Variants in LRRC4C observed in about 807,000 individuals in gnomAD.
The protein encoded by LRRC4C is leucine-rich repeat-containing protein 4C.
Under a neutral mutation model 33.6 loss-of-function variants are expected in LRRC4C, and 5 were observed. That is an observed-to-expected ratio of 0.15 (90% CI 0.08 to 0.31). The LOEUF is 0.31. LRRC4C is among the 10% of genes least tolerant of loss of function. LRRC4C has a pLI of 1.00. For synonymous variants in LRRC4C, 329 were observed against 302.0 expected (o/e 1.09, Z -0.93); for missense variants, 560 against 796.7 (o/e 0.70, Z 3.58).
intron 1 of LRRC4C, among the ~76,000 whole-genome samples, chr11:41,277,385 A>G (rs952997463): frequency 1.3e-5 from 2 of 152,220 alleles, no homozygotes; most frequent in East Asian, 1.9e-4. Context: ...CAACTTTTAG[A>G]AGAAGTATCT....
intron 5 of LRRC4C, among the ~76,000 whole-genome samples, chr11:40,167,005 C>T (rs1366298099): frequency 6.6e-6 from 1 of 152,126 alleles, no homozygotes; most frequent in African/African-American, 2.4e-5. Context: ...TTATGACCAG[C>T]ATTGATTCTA....
intron 3 of LRRC4C, among the ~76,000 whole-genome samples, chr11:40,562,828 T>A (rs1287633244): frequency 6.6e-6 from 1 of 152,192 alleles, no homozygotes; most frequent in Non-Finnish European, 1.5e-5. Context: ...TAGCTTTCAC[T>A]TTCTGCAACG....
chr11:40,333,876 T>C (rs1473917752), intron 3 of LRRC4C, among the ~76,000 whole-genome samples: 1 of 151,962 alleles, frequency 6.6e-6, no homozygotes, highest in Non-Finnish European at 1.5e-5. Flanking sequence ...TTTTTGTTGC[T>C]GGTATTGTTG....
chr11:40,234,488 A>G (rs1175147443), intron 5 of LRRC4C, among the ~76,000 whole-genome samples: 1 of 152,134 alleles, frequency 6.6e-6, no homozygotes. Flanking sequence ...GGAATGGATA[A>G]AACTCAGACC....
chr11:40,685,937 A>G (rs995002661), intron 2 of LRRC4C, among the ~76,000 whole-genome samples: 3 of 152,078 alleles, frequency 2.0e-5, no homozygotes, highest in Non-Finnish European at 4.4e-5. Flanking sequence ...TCTACACTGT[A>G]TATGAGTAGA....
chr11:40,227,998 T>C (rs1864933601), intron 5 of LRRC4C, among the ~76,000 whole-genome samples: 1 of 152,150 alleles, frequency 6.6e-6, no homozygotes, highest in South Asian at 2.1e-4. Context: ...AAGAGAAAAC[T>C]GAAGCTGACA....
intron 1 of LRRC4C, among the ~76,000 whole-genome samples, chr11:41,216,946 T>C (rs1947089661): frequency 6.6e-6 from 1 of 151,980 alleles, no homozygotes. Flanking sequence ...ACTTATGCTC[T>C]TTTTTTTAGA....
At chr11:40,603,651 G>C (rs1002846924) in intron 3 of LRRC4C, among the ~76,000 whole-genome samples, 2 of 152,152 alleles carry the variant, frequency 1.3e-5, no homozygotes, top group African/African-American at 4.8e-5. Flanking sequence ...TGTAGAAAAG[G>C]CTTCTGAATG....
intron 5 of LRRC4C, among the ~76,000 whole-genome samples, chr11:40,195,224 A>G (rs185471723): frequency 1.1e-3 from 160 of 152,360 alleles, no homozygotes; most frequent in Admixed American, 2.0e-3. Flanking sequence ...CCTTTACATC[A>G]TACAGTCTAA....
chr11:40,195,338 C>G (rs899546315), intron 5 of LRRC4C, among the ~76,000 whole-genome samples: 1 of 152,052 alleles, frequency 6.6e-6, no homozygotes, highest in African/African-American at 2.4e-5. Context: ...GAATAAACAG[C>G]CTGCAATGTG....
intron 1 of LRRC4C, among the ~76,000 whole-genome samples, chr11:41,239,862 AT>A (rs1236254593): frequency 6.6e-6 from 1 of 152,176 alleles, no homozygotes; most frequent in Admixed American, 6.5e-5. Context: ...AATCATCTAT[AT>A]TATTTTCGTT....
chr11:41,165,371 T>C (rs1366829068), intron 1 of LRRC4C, among the ~76,000 whole-genome samples: 1 of 152,164 alleles, frequency 6.6e-6, no homozygotes, highest in Non-Finnish European at 1.5e-5. Context: ...TGTTGCTCTG[T>C]GAAGAATTTC....
chr11:41,163,695 T>A (rs192111825), intron 1 of LRRC4C, among the ~76,000 whole-genome samples: 41 of 151,866 alleles, frequency 2.7e-4, no homozygotes, highest in Non-Finnish European at 4.7e-4. Context: ...CACTGCAACC[T>A]CCACCTCCTG....
chr11:40,206,449 C>A (rs1156437454), intron 5 of LRRC4C, among the ~76,000 whole-genome samples: 1 of 152,054 alleles, frequency 6.6e-6, no homozygotes, highest in Non-Finnish European at 1.5e-5. Context: ...ACCGTGATGG[C>A]CAGGCTGGTC....
chr11:40,232,204 C>T (rs540412791), intron 5 of LRRC4C, among the ~76,000 whole-genome samples: 2 of 152,298 alleles, frequency 1.3e-5, no homozygotes, highest in South Asian at 2.1e-4. Context: ...CGAGGTTTCG[C>T]CATGTTGGGC....
intron 3 of LRRC4C, among the ~76,000 whole-genome samples, chr11:40,547,881 A>G (rs1956987367): frequency 6.6e-6 from 1 of 152,108 alleles, no homozygotes; most frequent in African/African-American, 2.4e-5. Flanking sequence ...CATTCAGCAA[A>G]CATTTATTGA....
chr11:40,953,271 G>A (rs1257499073), intron 1 of LRRC4C, among the ~76,000 whole-genome samples: 1 of 151,830 alleles, frequency 6.6e-6, no homozygotes, highest in East Asian at 1.9e-4. Context: ...GATTCCAGAG[G>A]CCAATAACTT....
intron 3 of LRRC4C, among the ~76,000 whole-genome samples, chr11:40,597,554 T>C (rs919544597): frequency 3.3e-5 from 5 of 152,158 alleles, no homozygotes; most frequent in African/African-American, 9.7e-5. Flanking sequence ...CACATGTGTA[T>C]GCATAAAATT....
intron 1 of LRRC4C, among the ~76,000 whole-genome samples, chr11:41,209,529 C>T (rs1367350744): frequency 6.6e-6 from 1 of 151,572 alleles, no homozygotes; most frequent in Non-Finnish European, 1.5e-5. Flanking sequence ...CCTGTAATCC[C>T]AGCTACTCGG....
Sources: gnomAD v4.1 joint callset for allele counts (sites outside exome capture counted in the v4.1 genomes callset) on GRCh38, gnomAD v4.1.1 for gene constraint, MANE v1.5 for transcripts, NCBI Gene and HGNC (gene_info 2026-07-23, HGNC 2026-07-21) for gene names.